OTOGL: variants seen among roughly 807,000 people sequenced by gnomAD.
The protein encoded by OTOGL is otogelin-like protein.
Under a neutral mutation model 318.5 loss-of-function variants are expected in OTOGL, and 285 were observed. That is an observed-to-expected ratio of 0.89 (90% CI 0.81 to 0.99). OTOGL has a LOEUF of 0.99. Ranked by LOEUF, OTOGL falls within the 50% of genes least tolerant of loss-of-function variation. The probability of loss-of-function intolerance (pLI) is 0.00; values close to 1 mark genes in which losing one functional copy is unlikely to be tolerated. For synonymous variants in OTOGL, 987 were observed against 936.5 expected, an observed-to-expected ratio of 1.05 and a Z score of -0.99; for missense variants, 2,899 against 2,845.6, an observed-to-expected ratio of 1.02 and a Z score of -0.43.
chr12:80,255,644 T>C (rs1351809393), intron 16 of OTOGL, among the ~76,000 whole-genome samples: 1 of 151,970 alleles, frequency 6.6e-6, no homozygotes, highest in African/African-American at 2.4e-5. Flanking sequence ...TCTAAACAGA[T>C]ATGATGAATT....
At chr12:80,129,418 A>G (rs1445445755) in intron 1 of OTOGL, among the ~76,000 whole-genome samples, 1 of 152,174 alleles carries the variant, frequency 6.6e-6, no homozygotes, top group Non-Finnish European at 1.5e-5. Flanking sequence ...ATCAACTATT[A>G]TGTCATAACT....
chr12:80,165,430 A>G (rs1250244812), intron 1 of OTOGL, among the ~76,000 whole-genome samples: 1 of 152,210 alleles, frequency 6.6e-6, no homozygotes, highest in Non-Finnish European at 1.5e-5. Flanking sequence ...GTACAGAGAT[A>G]TATGACAAAG....
intron 8 of OTOGL, among the ~76,000 whole-genome samples, chr12:80,230,709 C>G (rs1466137420): frequency 6.6e-6 from 1 of 152,138 alleles, no homozygotes; most frequent in African/African-American, 2.4e-5. Context: ...GGGCCTAACT[C>G]ATAGCAAATG....
At chr12:80,258,132 C>T (rs1201954780) in intron 18 of OTOGL, 130 bp downstream of exon 18, 15 of 835,160 alleles carry the variant, frequency 1.8e-5, no homozygotes, top group South Asian at 2.5e-5. Flanking sequence ...CATGGATCAT[C>T]GTATTTAAAA....
intron 1 of OTOGL, among the ~76,000 whole-genome samples, chr12:80,173,564 T>C (rs1874346162): frequency 6.6e-6 from 1 of 152,216 alleles, no homozygotes; most frequent in South Asian, 2.1e-4. Flanking sequence ...CCAGGTTCTT[T>C]ACCTCATGCT....
At chr12:80,243,036 T>C (rs1235581175) in intron 11 of OTOGL, among the ~76,000 whole-genome samples, 1 of 152,016 alleles carries the variant, frequency 6.6e-6, no homozygotes, top group Non-Finnish European at 1.5e-5. Context: ...TTTTTTTTTT[T>C]GCTCTTTAAT....
chr12:80,201,114 G>A (rs550959933), intron 1 of OTOGL, among the ~76,000 whole-genome samples: 1 of 152,256 alleles, frequency 6.6e-6, no homozygotes, highest in South Asian at 2.1e-4. Context: ...CATAACCTAT[G>A]GAGGCAAGTG....
At position 80,124,829 on chromosome 12, in the gene OTOGL, G is replaced by C. The variant is rs1213871458; in HGVS notation, c.-20+25224G>C. Among the ~76,000 whole-genome samples, 7 of 152,076 alleles carry C rather than the reference G, an allele frequency of 4.6e-5. 1 individual carries two copies. In the South Asian group the frequency reaches 1.5e-3, roughly 32 times the overall value. ...TGAATGGGAGTTCACTCATGATTTG[G>C]CTCTCTGTTTGTCTGTTATTGGTGT... On this transcript the variant is annotated intron_variant, in intron 1 of 58. Coordinates refer to ENST00000547103, the MANE Select transcript of OTOGL (RefSeq NM_001378609.3).
Position 80,342,001 on chromosome 12 carries a change from A to T in OTOGL, c.5104A>T (p.Ile1702Phe). Residue 1702 changes from isoleucine to phenylalanine, a missense_variant, in exon 44 of 59, where the codon ATT becomes TTT. This residue lies in a region of OTOGL where 2,607 missense variants were observed against 2,524.9 expected (regional missense o/e 1.03). Transcript: ENST00000547103. ...TCTAAGGATGCAAAATGGCACAATT[A>T]TTACAAATATGGAAGACATAGGATT... The part of the protein sequence containing the change: ...DDLRMQNGTI[I>F]TNMEDIGLFI... 1 of 1,609,278 alleles carries T rather than the reference A, an allele frequency of 6.2e-7. No individual in the cohort carries two copies. The highest frequency in any genetic ancestry group is 8.5e-7 in the Non-Finnish European group (1 of 1,177,168).
intron 1 of OTOGL, among the ~76,000 whole-genome samples, chr12:80,161,332 A>G (rs557377325): frequency 1.3e-5 from 2 of 152,252 alleles, no homozygotes; most frequent in East Asian, 3.9e-4. Flanking sequence ...GAGATAAATG[A>G]GAATAAGTAG....
intron 44 of OTOGL, among the ~76,000 whole-genome samples, chr12:80,349,913 C>T (rs573133211): frequency 6.6e-6 from 1 of 152,268 alleles, no homozygotes; most frequent in East Asian, 1.9e-4. Context: ...AATGCATTAC[C>T]TCATGTGATT....
At position 80,262,020 on chromosome 12, in the gene OTOGL, G is replaced by A; in HGVS notation, c.1941G>A (p.Trp647Ter). 1 of 1,612,950 alleles carries A rather than the reference G, an allele frequency of 6.2e-7. No individual in the cohort carries two copies. The highest frequency in any genetic ancestry group is 1.7e-5 in the Admixed American group (1 of 59,888). Residue 647 changes from tryptophan (W) to a stop codon, truncating the protein, a stop_gained, in exon 19 of 59, where the codon TGG (tryptophan) becomes TGA (stop). Transcript: ENST00000547103. LOFTEE classifies it high-confidence loss of function. ...CACCACAACTTCACGCAAATGCGTG[G>A]AGAGTTTCTTCTACCTGTTTTGCAC... ...EGTPQLHANA[W>*]RVSSTCFAPV...
intron 22 of OTOGL, among the ~76,000 whole-genome samples, chr12:80,268,438 A>G (rs1363460425): frequency 6.6e-6 from 1 of 152,152 alleles, no homozygotes; most frequent in African/African-American, 2.4e-5. Context: ...CTGGCTCGGC[A>G]GTGCTTGTCT....
At chr12:80,117,295 T>C (rs1313761026) in intron 1 of OTOGL, among the ~76,000 whole-genome samples, 2 of 152,218 alleles carry the variant, frequency 1.3e-5, no homozygotes, top group African/African-American at 4.8e-5. Flanking sequence ...GAACTCATCG[T>C]GTTCTTTAAA....
At chr12:80,163,663 T>C (rs1873663510) in intron 1 of OTOGL, among the ~76,000 whole-genome samples, 1 of 152,142 alleles carries the variant, frequency 6.6e-6, no homozygotes, top group Non-Finnish European at 1.5e-5. Context: ...TCTCGTGTCC[T>C]CTCAGTTGAT....
intron 22 of OTOGL, among the ~76,000 whole-genome samples, 183 bp downstream of exon 22, chr12:80,267,510 C>T (rs912778261): frequency 8.6e-5 from 13 of 151,140 alleles, no homozygotes; most frequent in East Asian, 5.8e-4. Context: ...CCCATTAACT[C>T]GTCATTTACA....
In OTOGL at chr12:80,332,995, T is replaced by C; in HGVS notation, c.4349-10T>C. 1 of 1,578,024 alleles carries C rather than the reference T, an allele frequency of 6.3e-7. No individual in the cohort carries two copies. Among genetic ancestry groups the C allele is most frequent in the Non-Finnish European group, 8.6e-7 (1 of 1,157,672 alleles). ...TCCACTAATGAGGATTACTTTTTCA[T>C]TTCTGACAGTTTGGGAAATGATTAC... On this transcript the variant is annotated splice_polypyrimidine_tract_variant and intron_variant, in intron 37 of 58. Coordinates refer to ENST00000547103, the MANE Select transcript of OTOGL (RefSeq NM_001378609.3).
In OTOGL at chr12:80,186,334, C is replaced by T. The variant is rs949588161; in HGVS notation, c.-19-23079C>T. 4.6e-5 allele frequency among the ~76,000 whole-genome samples: 7 copies of T among 152,274 alleles called. No individual in the cohort carries two copies. In the South Asian group the frequency reaches 1.5e-3, roughly 32 times the overall value. On this transcript the variant is annotated intron_variant, in intron 1 of 58. Transcript: ENST00000547103. Reference sequence around the variant, plus strand: ...GTCCATCTTTCCTACTTAGCCGCGTCTCTCCCATCAGGTGTCATCTTCCCT... The same window carrying T: ...GTCCATCTTTCCTACTTAGCCGCGTTTCTCCCATCAGGTGTCATCTTCCCT...
intron 32 of OTOGL, among the ~76,000 whole-genome samples, chr12:80,316,401 C>T (rs1322409845): frequency 6.6e-6 from 1 of 152,164 alleles, no homozygotes; most frequent in Non-Finnish European, 1.5e-5. Flanking sequence ...GACTTGTGGA[C>T]CCAGAAGCAG....
Sources: allele counts gnomAD v4.1 joint callset (sites outside exome capture counted in the v4.1 genomes callset), GRCh38; gene constraint gnomAD v4.1.1; regional missense constraint gnomAD v4.1.1; transcripts MANE v1.5; gene names NCBI Gene and HGNC (gene_info 2026-07-23, HGNC 2026-07-21).